Variants in ICA1 observed in about 807,000 individuals in gnomAD.
ICA1 encodes the protein islet cell autoantigen 1.
Under a neutral mutation model 71.0 loss-of-function variants are expected in ICA1, and 40 were observed. That is an observed-to-expected ratio of 0.56 (90% CI 0.44 to 0.73). The LOEUF (loss-of-function observed/expected upper bound fraction) is 0.73, where lower values mean the gene tolerates loss of function less well. ICA1 is among the 30% of genes least tolerant of loss of function. The pLI is 0.00. For missense variants in ICA1, 578 were observed against 576.5 expected, an observed-to-expected ratio of 1.00 and a Z score of -0.03; for synonymous variants, 207 against 209.5, an observed-to-expected ratio of 0.99 and a Z score of 0.10.
At position 8,144,897 on chromosome 7, in the gene ICA1, C is replaced by T. The variant is rs558640756; in HGVS notation, c.805-925G>A. Among the ~76,000 whole-genome samples, 2 of 152,302 alleles carry T rather than the reference C, an allele frequency of 1.3e-5. No individual in the cohort carries two copies. The highest frequency in any genetic ancestry group is 2.1e-4 in the South Asian group (1 of 4,822). ...TTTCTCCTGTCCTTCTCCTGCCTAT[C>T]GTTCACTTGTCTGACACACATAGGA... On this transcript the variant is annotated intron_variant, in intron 8 of 13. Coordinates refer to ENST00000402384, the MANE Select transcript of ICA1 (RefSeq NM_001136020.3). This position sits in a 1 kb window ranked among gnomAD's most constrained non-coding sequence, Gnocchi z 4.5.
rs376242963 is a variant in ICA1, at chr7:8,127,110, A to T, written c.1330+763T>A. Among the ~76,000 whole-genome samples the T allele has an allele frequency of 8.3e-4, 125 of 150,784 alleles. 1 individual carries two copies. The highest frequency in any genetic ancestry group is 3.0e-3 in the African/African-American group (124 of 40,900). On this transcript the variant is annotated intron_variant, in intron 13 of 13. Coordinates refer to ENST00000402384, the MANE Select transcript of ICA1 (RefSeq NM_001136020.3). Reference sequence around the variant, plus strand: ...TGCCTCAGCCTCCTGAGTAACTAGGATTTGGGATTACAGGCATGTGCCATC... The same window carrying T: ...TGCCTCAGCCTCCTGAGTAACTAGGTTTTGGGATTACAGGCATGTGCCATC...
At chr7:8,215,437 G>T (rs1338090244) in intron 6 of ICA1, among the ~76,000 whole-genome samples, 1 of 152,048 alleles carries the variant, frequency 6.6e-6, no homozygotes, top group Admixed American at 6.6e-5. Context: ...GCAGCACCAC[G>T]TGCCACCATA....
At chr7:8,243,340 G>T (rs982583624) in intron 1 of ICA1, among the ~76,000 whole-genome samples, 1 of 152,164 alleles carries the variant, frequency 6.6e-6, no homozygotes, top group Admixed American at 6.5e-5. Flanking sequence ...AATGGATGCA[G>T]AAAAGGCCTT....
At chr7:8,150,161 G>A (rs1378573222) in intron 8 of ICA1, among the ~76,000 whole-genome samples, 1 of 152,174 alleles carries the variant, frequency 6.6e-6, no homozygotes, top group African/African-American at 2.4e-5. Flanking sequence ...GGAAACAAAT[G>A]GACTTTGGAG....
At chr7:8,231,615 A>T (rs1800300403) in intron 3 of ICA1, among the ~76,000 whole-genome samples, 1 of 152,190 alleles carries the variant, frequency 6.6e-6, no homozygotes, top group South Asian at 2.1e-4. Context: ...AAGTTACAGC[A>T]GATAGTAGGT....
At chr7:8,135,332 C>T (rs1049014676) in intron 12 of ICA1, among the ~76,000 whole-genome samples, 1 of 151,960 alleles carries the variant, frequency 6.6e-6, no homozygotes, top group Non-Finnish European at 1.5e-5. Context: ...CGGCCAGAAT[C>T]TTTATAGAAA....
In ICA1 at chr7:8,191,449, T is replaced by C. The variant is rs142767226; in HGVS notation, c.579+26856A>G. ...TTTTCATTGTCAGTACAGTGTTCAA[T>C]AAATTACTGTGAAATATTAAGCACT... On this transcript the variant is annotated intron_variant, in intron 6 of 13. Coordinates refer to ENST00000402384, the MANE Select transcript of ICA1 (RefSeq NM_001136020.3). Among the ~76,000 whole-genome samples, 506 of 152,336 alleles carry C rather than the reference T, an allele frequency of 3.3e-3. 1 individual carries two copies. The highest frequency in any genetic ancestry group is 5.6e-3 in the Non-Finnish European group (381 of 68,014).
At chr7:8,247,701 G>A (rs1397313754) in intron 1 of ICA1, among the ~76,000 whole-genome samples, 1 of 152,138 alleles carries the variant, frequency 6.6e-6, no homozygotes, top group Non-Finnish European at 1.5e-5. Flanking sequence ...AATCTAGGAA[G>A]GCATTTTCAT....
intron 1 of ICA1, among the ~76,000 whole-genome samples, chr7:8,258,098 T>A (rs1424600080): frequency 6.6e-6 from 1 of 152,096 alleles, no homozygotes; most frequent in Non-Finnish European, 1.5e-5. Flanking sequence ...CCTGTTGGGG[T>A]GGGATGCCCC....
At chr7:8,190,959 T>G (rs1309385498) in intron 6 of ICA1, among the ~76,000 whole-genome samples, 6 of 152,182 alleles carry the variant, frequency 3.9e-5, no homozygotes, top group African/African-American at 1.4e-4. Context: ...TTTACTGCCC[T>G]GGAATTCCTC....
At position 8,221,394 on chromosome 7, in the gene ICA1, C is replaced by G. The variant is rs1354128374; in HGVS notation, c.261G>C (p.Leu87Phe). 1.2e-6 allele frequency: 2 copies of G among 1,613,146 alleles called. No individual in the cohort carries two copies. Among genetic ancestry groups the G allele is most frequent in the Non-Finnish European group, 8.5e-7 (1 of 1,179,384 alleles). ...IVLYQKRICF[L>F]SQEENELGKF... is the part of the protein sequence containing the mutation. The stretch of plus-strand genomic sequence containing the variant: ...TTCCCAGTTCGTTTTCTTCTTGAGA[C>G]AAGACTGATGAAGAAAAGACCAAAA... Residue 87 changes from leucine (L) to phenylalanine (F), a missense_variant, in exon 5 of 14, where the codon TTG (leucine) becomes TTC (phenylalanine). Leu to Phe is a conservative substitution (Grantham distance 22). Coordinates refer to ENST00000402384, the MANE Select transcript of ICA1 (RefSeq NM_001136020.3).
rs1270476734 is a variant in ICA1, at chr7:8,132,252, T to C, written c.1061-4110A>G. Among the ~76,000 whole-genome samples, 1 of 152,186 alleles carries C rather than the reference T, an allele frequency of 6.6e-6. No homozygotes were observed. Among genetic ancestry groups the C allele is most frequent in the African/African-American group, 2.4e-5 (1 of 41,436 alleles). ...CCCCTCCTTCCTGAAGCCTGCTCTG[T>C]TCCCACCATTATTCAGATCCAGCAC... On this transcript the variant is annotated intron_variant, in intron 12 of 13. Transcript: ENST00000402384. This position sits in a 1 kb window ranked among gnomAD's most constrained non-coding sequence, Gnocchi z 4.5.
chr7:8,231,288 G>A (rs1361511809), intron 3 of ICA1, among the ~76,000 whole-genome samples: 1 of 152,132 alleles, frequency 6.6e-6, no homozygotes, highest in African/African-American at 2.4e-5. Flanking sequence ...GGCAATGTAA[G>A]CGTGTGGGAG....
intron 13 of ICA1, chr7:8,114,840 T>C (rs753830556): frequency 6.6e-6 from 1 of 152,258 alleles, no homozygotes; most frequent in African/African-American, 2.4e-5. Flanking sequence ...TCTAAGTTCA[T>C]TGGCTTGGAT....
chr7:8,200,298 G>C (rs1789125574), intron 6 of ICA1, among the ~76,000 whole-genome samples: 1 of 142,240 alleles, frequency 7.0e-6, no homozygotes, highest in Admixed American at 7.4e-5. Context: ...GAAGTAATTA[G>C]GGCTTCTTAA....
chr7:8,157,784 T>G (rs1404026893), intron 7 of ICA1: 2 of 147,936 alleles, frequency 1.4e-5, no homozygotes, highest in Non-Finnish European at 3.0e-5. Flanking sequence ...GCCTCCCAGG[T>G]TCAAGCAATT....
intron 6 of ICA1, among the ~76,000 whole-genome samples, chr7:8,159,743 A>G (rs1442462958): frequency 1.3e-5 from 2 of 152,162 alleles, no homozygotes; most frequent in Admixed American, 1.3e-4. Context: ...CCAAAAAACA[A>G]AACAAAATAT....
At chr7:8,249,041 A>G (rs1807171357) in intron 1 of ICA1, among the ~76,000 whole-genome samples, 2 of 152,376 alleles carry the variant, frequency 1.3e-5, no homozygotes, top group South Asian at 4.1e-4. Flanking sequence ...AAACTTCAGT[A>G]AAATTATAAA....
intron 13 of ICA1, among the ~76,000 whole-genome samples, chr7:8,114,644 G>A (rs1386257274): frequency 6.6e-6 from 1 of 152,120 alleles, no homozygotes; most frequent in East Asian, 1.9e-4. Flanking sequence ...TCACTCTTCA[G>A]CCTCATTGGA....
Sources: gnomAD v4.1 joint callset for allele counts (sites outside exome capture counted in the v4.1 genomes callset) on GRCh38, gnomAD v4.1.1 for gene constraint, Gnocchi (gnomAD v3.1) non-coding constraint, MANE v1.5 for transcripts, NCBI Gene and HGNC (gene_info 2026-07-23, HGNC 2026-07-21) for gene names.